Variants in TP53BP1 observed in about 807,000 individuals in gnomAD.
TP53BP1 encodes TP53-binding protein 1.
In TP53BP1, 61 loss-of-function variants were observed where a neutral mutation model predicts 200.8. That is an observed-to-expected ratio of 0.30 (90% CI 0.25 to 0.38). The LOEUF is 0.38. TP53BP1 is among the 10% of genes least tolerant of loss of function. The pLI is 1.00. For missense variants in TP53BP1, 2,144 were observed against 2,371.9 expected, an observed-to-expected ratio of 0.90 and a Z score of 2.00; for synonymous variants, 822 against 844.3, an observed-to-expected ratio of 0.97 and a Z score of 0.46.
intron 12 of TP53BP1, among the ~76,000 whole-genome samples, chr15:43,455,445 G>T (rs146181223): frequency 6.6e-6 from 1 of 152,268 alleles, no homozygotes; most frequent in East Asian, 1.9e-4. Flanking sequence ...TCCAGGTTGG[G>T]CGTGGTGACT....
chr15:43,411,068 T>C (rs2045102954), intron 24 of TP53BP1, among the ~76,000 whole-genome samples: 1 of 152,174 alleles, frequency 6.6e-6, no homozygotes, highest in African/African-American at 2.4e-5. Flanking sequence ...CAACACCCCT[T>C]ACAGTCCTGT....
Position 43,428,055 on chromosome 15 carries a change from A to G in TP53BP1, c.3789T>C (p.Tyr1263=), listed in dbSNP as rs2230447. The G allele has an allele frequency of 1.3e-3, 2,050 of 1,612,912 alleles. 28 individuals carry two copies. In the African/African-American group the frequency reaches 0.024, roughly 19 times the overall value. The change falls in exon 18 of 28, where the codon TAT becomes TAC. Residue 1263 remains tyrosine (Y), a synonymous_variant. Coordinates refer to ENST00000382044, the MANE Select transcript of TP53BP1 (RefSeq NM_001141980.3). Reference sequence around the variant, plus strand: ...TTTCTACTTCTGTTCCATCCACATAATACACATCTGTAATGACACGAGTGA... The same window carrying G: ...TTTCTACTTCTGTTCCATCCACATAGTACACATCTGTAATGACACGAGTGA... ...TLVTRVITDV[Y]YVDGTEVERK...
chr15:43,453,792 G>T (rs1330572315), intron 12 of TP53BP1, among the ~76,000 whole-genome samples: 2 of 151,934 alleles, frequency 1.3e-5, no homozygotes, highest in Non-Finnish European at 2.9e-5. Flanking sequence ...TGACCCGCCC[G>T]CCTTGGCTTC....
chr15:43,438,299 A>G, intron 16 of TP53BP1, 25 bp downstream of exon 16: 1 of 1,606,756 alleles, frequency 6.2e-7, no homozygotes, highest in Non-Finnish European at 8.5e-7. Context: ...TGGAGCCCAA[A>G]AGATTCTATA....
At chr15:43,453,938 C>T (rs1011575186) in intron 12 of TP53BP1, among the ~76,000 whole-genome samples, 3 of 151,732 alleles carry the variant, frequency 2.0e-5, no homozygotes, top group Admixed American at 6.6e-5. Context: ...CTGGGTGCAG[C>T]GGCTCACGCC....
chr15:43,508,231 A>G (rs7497780), intron 1 of TP53BP1, among the ~76,000 whole-genome samples: 69,746 of 151,928 alleles, frequency 0.46, 20,772 homozygotes, highest in African/African-American at 0.85. Flanking sequence ...ATGGTGGCGC[A>G]CGCCTGTAGT....
intron 11 of TP53BP1, among the ~76,000 whole-genome samples, chr15:43,465,883 G>A (rs895137025): frequency 3.9e-5 from 6 of 152,082 alleles, no homozygotes; most frequent in African/African-American, 1.4e-4. Flanking sequence ...TCAAACTCCT[G>A]GCTTCAAGTG....
intron 8 of TP53BP1, 86 bp downstream of exon 8, chr15:43,477,507 C>A (rs2140115664): frequency 7.6e-7 from 1 of 1,320,836 alleles, no homozygotes; most frequent in Non-Finnish European, 1.0e-6. Context: ...CTATAAAATG[C>A]TTTGTAACTT....
rs372700294 is a variant in TP53BP1 at position 43,480,849 on chromosome 15, A to C, written c.499+46T>G. 21 of 1,603,842 alleles carry C rather than the reference A, an allele frequency of 1.3e-5. No individual in the cohort carries two copies. In the African/African-American group the frequency reaches 2.8e-4, roughly 21 times the overall value. The stretch of plus-strand genomic sequence containing the variant: ...TTAGACATCTGCACAATCATGTTAA[A>C]GGGAAGTTAGAACAGTCTATTATTC... On this transcript the variant is annotated intron_variant, in intron 5 of 27. Transcript: ENST00000382044.
chr15:43,421,043 G>A lies in TP53BP1; in HGVS notation c.4232C>T (p.Ser1411Phe), dbSNP rs774610087. Residue 1411 changes from serine to phenylalanine, a missense_variant, in exon 20 of 28, where the codon TCT (serine) becomes TTT (phenylalanine). Coordinates refer to ENST00000382044, the MANE Select transcript of TP53BP1 (RefSeq NM_001141980.3). ...RGRGRRGRPP[S>F]RTTGTRETAV... ...CAGGTACCTGGTTCCAGTGGTCCGA[G>A]AAGGTGGGCGGCCCCTTCGCCCACG... 8.7e-6 allele frequency: 14 copies of A among 1,613,532 alleles called. No homozygotes were observed. Among genetic ancestry groups the A allele is most frequent in the Non-Finnish European group, 1.2e-5 (14 of 1,179,814 alleles).
Position 43,415,566 on chromosome 15 carries a change from GAAGA to G in TP53BP1, c.5089+24_5089+27del, listed in dbSNP as rs1226299875. 3 of 1,610,720 alleles carry G rather than the reference GAAGA, an allele frequency of 1.9e-6. No homozygotes were observed. In the African/African-American group the frequency reaches 4.0e-5, roughly 22 times the overall value. ...CCCTGCATTCTGCCATGGTCTGAAG[GAAGA>G]ATGAGGCAAAAAGGAGCACTTACCA... On this transcript the variant is annotated intron_variant, in intron 23 of 27. Transcript: ENST00000382044.
At chr15:43,501,337 C>T (rs1429803347) in intron 1 of TP53BP1, among the ~76,000 whole-genome samples, 3 of 151,958 alleles carry the variant, frequency 2.0e-5, no homozygotes, top group African/African-American at 4.8e-5. Flanking sequence ...AGCTCAGTCT[C>T]CTCGGGGCTG....
rs754078724 is a variant in TP53BP1, at chr15:43,469,909, T to A, written c.1338A>T (p.Pro446=). 1 of 1,614,034 alleles carries A rather than the reference T, an allele frequency of 6.2e-7. No homozygotes were observed. Among genetic ancestry groups the A allele is most frequent in the Non-Finnish European group, 8.5e-7 (1 of 1,180,024 alleles). Residue 446 remains proline (P), a synonymous_variant, in exon 11 of 28, where the codon CCA becomes CCT. Transcript: ENST00000382044. ...QASTPISQST[P]VFPPGSLPIP... ...TAGGAAGTGACCCAGGAGGGAAGAC[T>A]GGTGTGCTCTGAGATATTGGTGTTG...
intron 4 of TP53BP1, among the ~76,000 whole-genome samples, chr15:43,489,092 G>C (rs981262891): frequency 2.0e-5 from 3 of 152,162 alleles, no homozygotes; most frequent in African/African-American, 7.2e-5. Context: ...TTATTGTTTA[G>C]ATTGTATTCC....
At chr15:43,439,051 G>C (rs1365922602) in intron 15 of TP53BP1, among the ~76,000 whole-genome samples, 1 of 152,120 alleles carries the variant, frequency 6.6e-6, no homozygotes, top group Non-Finnish European at 1.5e-5. Flanking sequence ...TCAGTAGGGA[G>C]GGGGGTGCTG....
At position 43,510,254 on chromosome 15, in the gene TP53BP1, T is replaced by C. The variant is rs45479592; in HGVS notation, c.-9+116A>G. 464 of 152,454 alleles carry C rather than the reference T, an allele frequency of 3.0e-3. 3 individuals are homozygous for C. The highest frequency in any genetic ancestry group is 3.6e-3 in the Non-Finnish European group (244 of 68,198). 9.4% of individuals were successfully genotyped at this position (152,454 alleles called of 1,614,324 possible). On this transcript the variant is annotated intron_variant, in intron 1 of 27. Transcript: ENST00000263801. ...CATCACTTGAAGATGGGAAGGTCTT[T>C]CCTAGGTTTTACTCAAATCCCCCTT...
chr15:43,473,794 A>T (rs2046784728), intron 10 of TP53BP1, among the ~76,000 whole-genome samples: 1 of 152,248 alleles, frequency 6.6e-6, no homozygotes, highest in Admixed American at 6.5e-5. Context: ...CAGACTCAGC[A>T]GCCCAGCTGG....
chr15:43,484,158 C>G (rs891161468), intron 4 of TP53BP1, among the ~76,000 whole-genome samples: 65 of 152,176 alleles, frequency 4.3e-4, no homozygotes, highest in African/African-American at 1.5e-3. Context: ...TCTAGTTGCT[C>G]AAATCAAAAA....
chr15:43,457,244 T>C (rs762556319), intron 11 of TP53BP1, 26 bp from the exon 12 acceptor site: 3 of 1,546,706 alleles, frequency 1.9e-6, no homozygotes, highest in East Asian at 2.3e-5. Flanking sequence ...AAGAGACAAA[T>C]TGTAATTTGT....
Sources: gnomAD v4.1 joint callset for allele counts (sites outside exome capture counted in the v4.1 genomes callset) on GRCh38, gnomAD v4.1.1 for gene constraint, MANE v1.5 for transcripts, NCBI Gene and HGNC (gene_info 2026-07-23, HGNC 2026-07-21) for gene names.